KCNQ1: variants seen among roughly 807,000 people sequenced by gnomAD.
KCNQ1 encodes potassium voltage-gated channel subfamily Q member 1, also known as potassium voltage-gated channel subfamily KQT member 1.
KCNQ1 carries 49 observed loss-of-function variants against 72.4 expected under a neutral mutation model. The observed-to-expected ratio is 0.68, with a 90% CI of 0.54 to 0.86. KCNQ1 has a LOEUF of 0.86. Ranked by LOEUF, KCNQ1 falls within the 40% of genes least tolerant of loss-of-function variation. The probability of loss-of-function intolerance (pLI) is 0.00; values close to 1 mark genes in which losing one functional copy is unlikely to be tolerated. For synonymous variants in KCNQ1, 450 were observed against 412.6 expected (o/e 1.09, Z -1.10); for missense variants, 790 against 945.1 (o/e 0.84, Z 2.15).
intron 1 of KCNQ1, among the ~76,000 whole-genome samples, chr11:2,489,936 C>T (rs1194206036): frequency 6.6e-6 from 1 of 152,146 alleles, no homozygotes; most frequent in African/African-American, 2.4e-5. Context: ...ACCAGCTTGA[C>T]CACAGTGGGG....
At position 2,790,922 on chromosome 11, in the gene KCNQ1, G is replaced by A. The variant is rs117731097; in HGVS notation, c.1794+12885G>A. ...GTCTTGCTTTCCCCAGCTATCCAGC[G>A]GCTTCCTGCTTCTCTTACCCTCAGC... On this transcript the variant is annotated intron_variant, in intron 15 of 15. Coordinates refer to ENST00000155840, the MANE Select transcript of KCNQ1 (RefSeq NM_000218.3). 6.0e-4 allele frequency among the ~76,000 whole-genome samples: 92 copies of A among 152,216 alleles called. 1 individual carries two copies. In the East Asian group the frequency reaches 0.012, roughly 20 times the overall value.
chr11:2,817,112 T>C lies in KCNQ1; in HGVS notation c.1795-30655T>C, dbSNP rs960967501. Among the ~76,000 whole-genome samples, 1 of 152,088 alleles carries C rather than the reference T, an allele frequency of 6.6e-6. No individual in the cohort carries two copies. Among genetic ancestry groups the C allele is most frequent in the African/African-American group, 2.4e-5 (1 of 41,426 alleles). The stretch of plus-strand genomic sequence containing the variant: ...ACATGCCCGACCCATGACCCAGGCC[T>C]GTGGCGCCAGCCTGCACCCGGCTCT... On this transcript the variant is annotated intron_variant, in intron 15 of 15. Transcript: ENST00000155840. This position sits in a 1 kb window ranked among gnomAD's most constrained non-coding sequence, Gnocchi z 6.1.
Position 2,559,829 on chromosome 11 carries a change from C to T in KCNQ1, c.478-10799C>T, listed in dbSNP as rs1190803674. Among the ~76,000 whole-genome samples, 1 of 151,958 alleles carries T rather than the reference C, an allele frequency of 6.6e-6. No individual in the cohort carries two copies. Among genetic ancestry groups the T allele is most frequent in the Non-Finnish European group, 1.5e-5 (1 of 67,992 alleles). On this transcript the variant is annotated intron_variant, in intron 2 of 15. Coordinates refer to ENST00000155840, the MANE Select transcript of KCNQ1 (RefSeq NM_000218.3). This position sits in a 1 kb window ranked among gnomAD's most constrained non-coding sequence, Gnocchi z 4.9. ...TGGCTAGGGCTCTGCTGCCTGCTTC[C>T]TGGGCAGGGGCTCCTTCCTCCCTCT...
chr11:2,847,783 A>G lies in KCNQ1; in HGVS notation c.1811A>G (p.Gln604Arg), dbSNP rs794728541. The change falls in exon 16 of 16, where the codon CAG (glutamine) becomes CGG (arginine). Residue 604 changes from glutamine to arginine, a missense_variant. By Grantham distance (43) the Gln-to-Arg change is conservative. Transcript: ENST00000155840. ...TCCCCGCAGGTGACGCAGCTGGACCAGAGGCTGGCACTCATCACCGACATG... is the reference window on the plus strand; with the variant it reads ...TCCCCGCAGGTGACGCAGCTGGACCGGAGGCTGGCACTCATCACCGACATG... ...RVEDKVTQLD[Q>R]RLALITDMLH... The G allele has an allele frequency of 6.4e-7, 1 of 1,573,676 alleles. No homozygotes were observed. Among genetic ancestry groups the G allele is most frequent in the East Asian group, 2.3e-5 (1 of 42,824 alleles).
chr11:2,838,297 C>T (rs1412616349), intron 15 of KCNQ1, among the ~76,000 whole-genome samples: 4 of 152,078 alleles, frequency 2.6e-5, no homozygotes, highest in African/African-American at 7.2e-5. Flanking sequence ...GAGTGTGAAA[C>T]GGCATGCAGA....
chr11:2,447,940 T>G lies in KCNQ1; in HGVS notation c.386+2456T>G, dbSNP rs1179904624. On this transcript the variant is annotated intron_variant, in intron 1 of 15. Coordinates refer to ENST00000155840, the MANE Select transcript of KCNQ1 (RefSeq NM_000218.3). This position sits in a 1 kb window ranked among gnomAD's most constrained non-coding sequence, Gnocchi z 7.6. ...CCCCCCCTCCCCAGGAGAGCAGCTC[T>G]TCCTGTGTTCCTTCTGGCCTCCCTG... 6.6e-6 allele frequency among the ~76,000 whole-genome samples: 1 copy of G among 152,190 alleles called. No homozygotes were observed.
At position 2,780,270 on chromosome 11, in the gene KCNQ1, C is replaced by A. The variant is rs558955192; in HGVS notation, c.1794+2233C>A. Among the ~76,000 whole-genome samples, 75 of 152,352 alleles carry A rather than the reference C, an allele frequency of 4.9e-4. 2 individuals carry two copies. In the South Asian group the frequency reaches 0.014, roughly 29 times the overall value. ...CTCAGGGACAGACCCTAGGAAAGGG[C>A]CTGGCTGGGCCTGGAGGGCTTGGTG... is the stretch of plus-strand genomic sequence containing the variant. On this transcript the variant is annotated intron_variant, in intron 15 of 15. Transcript: ENST00000155840.
chr11:2,520,042 C>T (rs1286318628), intron 1 of KCNQ1, among the ~76,000 whole-genome samples: 2 of 152,268 alleles, frequency 1.3e-5, no homozygotes, highest in Non-Finnish European at 2.9e-5. Context: ...AGGGCCCTGT[C>T]GCCCCCACCC....
At chr11:2,812,500 G>A (rs897377755) in intron 15 of KCNQ1, among the ~76,000 whole-genome samples, 1 of 152,194 alleles carries the variant, frequency 6.6e-6, no homozygotes, top group South Asian at 2.1e-4. Context: ...AGCCTCTGCC[G>A]GGGCCGGAAG....
chr11:2,639,386 T>G (rs1198278459), intron 10 of KCNQ1: 2 of 152,194 alleles, frequency 1.3e-5, no homozygotes, highest in African/African-American at 4.8e-5. Context: ...ATAGATGGAG[T>G]TTTGGTGTGG....
At position 2,825,048 on chromosome 11, in the gene KCNQ1, G is replaced by T. The variant is rs11024252; in HGVS notation, c.1795-22719G>T. Reference sequence around the variant, plus strand: ...CAGCTCCGAGCTCAGACATTGGTCTGCACATGTGGCTGGTGCAGGAGGCGC... The same window carrying T: ...CAGCTCCGAGCTCAGACATTGGTCTTCACATGTGGCTGGTGCAGGAGGCGC... On this transcript the variant is annotated intron_variant, in intron 15 of 15. Coordinates refer to ENST00000155840, the MANE Select transcript of KCNQ1 (RefSeq NM_000218.3). Among the ~76,000 whole-genome samples, 1,073 of 152,364 alleles carry T rather than the reference G, an allele frequency of 7.0e-3. 85 individuals are homozygous for T. In the East Asian group the frequency reaches 0.17, roughly 24 times the overall value.
Position 2,564,521 on chromosome 11 carries a change from G to A in KCNQ1, c.478-6107G>A, listed in dbSNP as rs992203577. Among the ~76,000 whole-genome samples, 14 of 152,194 alleles carry A rather than the reference G, an allele frequency of 9.2e-5. No individual in the cohort carries two copies. The highest frequency in any genetic ancestry group is 9.2e-4 in the Admixed American group (14 of 15,282). On this transcript the variant is annotated intron_variant, in intron 2 of 15. Coordinates refer to ENST00000155840, the MANE Select transcript of KCNQ1 (RefSeq NM_000218.3). This position sits in a 1 kb window ranked among gnomAD's most constrained non-coding sequence, Gnocchi z 4.5. ...GAGGCAGGAGAATCACTTGAACCTGGGAGGCAGAGGTTGCAGTGAGCTGAG... is the reference window on the plus strand; with the variant it reads ...GAGGCAGGAGAATCACTTGAACCTGAGAGGCAGAGGTTGCAGTGAGCTGAG...
At chr11:2,571,463 G>GC in intron 4 of KCNQ1, 60 bp downstream of exon 4, 1 of 1,433,908 alleles carries the variant, frequency 7.0e-7, no homozygotes, top group Non-Finnish European at 9.7e-7. Flanking sequence ...CCCCTCCTGA[G>GC]CCGCGGGTGG....
chr11:2,727,796 C>A (rs999659140), intron 11 of KCNQ1, among the ~76,000 whole-genome samples: 1 of 152,168 alleles, frequency 6.6e-6, no homozygotes, highest in African/African-American at 2.4e-5. Context: ...ATGTACAACA[C>A]CAAGCACCTG....
intron 11 of KCNQ1, among the ~76,000 whole-genome samples, chr11:2,700,589 G>A (rs1249203163): frequency 6.6e-6 from 1 of 152,144 alleles, no homozygotes. Context: ...CAGGGGATCG[G>A]GATGTTCTGA....
At chr11:2,532,262 A>C (rs1564808508) in intron 2 of KCNQ1, among the ~76,000 whole-genome samples, 4 of 152,288 alleles carry the variant, frequency 2.6e-5, no homozygotes, top group South Asian at 4.1e-4. Flanking sequence ...CAAGCTCTGC[A>C]TGGCGCTTCC....
chr11:2,604,112 T>G (rs912213412), intron 10 of KCNQ1, among the ~76,000 whole-genome samples: 3 of 152,224 alleles, frequency 2.0e-5, no homozygotes, highest in African/African-American at 7.2e-5. Flanking sequence ...TTTTGACTAC[T>G]ATGAATAATG....
chr11:2,486,602 A>G lies in KCNQ1; in HGVS notation c.386+41118A>G, dbSNP rs1022452911. ...GGAATACCTGAGGCTGGTAATTTATAAAGAAAAGAGGTTTAATTGGCTTAT... is the reference window on the plus strand; with the variant it reads ...GGAATACCTGAGGCTGGTAATTTATGAAGAAAAGAGGTTTAATTGGCTTAT... On this transcript the variant is annotated intron_variant, in intron 1 of 15. Coordinates refer to ENST00000155840, the MANE Select transcript of KCNQ1 (RefSeq NM_000218.3). The surrounding 1 kb of genome is among the most constrained non-coding windows in gnomAD (Gnocchi z 5.0). 6.6e-6 allele frequency among the ~76,000 whole-genome samples: 1 copy of G among 152,190 alleles called. No homozygotes were observed. Among genetic ancestry groups the G allele is most frequent in the African/African-American group, 2.4e-5 (1 of 41,448 alleles).
chr11:2,534,268 G>GCAGGTCCT (rs1261866092), intron 2 of KCNQ1, among the ~76,000 whole-genome samples: 1 of 152,246 alleles, frequency 6.6e-6, no homozygotes, highest in African/African-American at 2.4e-5. Context: ...CCGCAGGCCC[G>GCAGGTCCT]CAGGTCCTCA....
Sources: allele counts gnomAD v4.1 joint callset (sites outside exome capture counted in the v4.1 genomes callset), GRCh38; gene constraint gnomAD v4.1.1; non-coding constraint Gnocchi (gnomAD v3.1); transcripts MANE v1.5; gene names NCBI Gene and HGNC (gene_info 2026-07-23, HGNC 2026-07-21).